The following CBFA2T3 variants were observed in gnomAD, a reference collection of about 807,000 sequenced individuals.
CBFA2T3 encodes transcriptional corepressor CBFA2T3.
A neutral mutation model predicts 58.6 loss-of-function variants in CBFA2T3; 31 were observed. The observed-to-expected ratio is 0.53, with a 90% CI of 0.40 to 0.71. The LOEUF is 0.71. Ranked by LOEUF, CBFA2T3 falls within the 30% of genes least tolerant of loss-of-function variation. The pLI is 0.00. For missense variants in CBFA2T3, 1,076 were observed against 963.1 expected, an observed-to-expected ratio of 1.12 and a Z score of -1.55; for synonymous variants, 531 against 421.9, an observed-to-expected ratio of 1.26 and a Z score of -3.17.
At chr16:88,881,171 C>T in intron 9 of CBFA2T3, 120 bp downstream of exon 9, 1 of 945,230 alleles carries the variant, frequency 1.1e-6, no homozygotes, top group East Asian at 2.5e-5. Flanking sequence ...AAAGGTGCCT[C>T]TTTCTCAAGC....
In CBFA2T3 at chr16:88,901,848, G is replaced by A. The variant is rs558053658; in HGVS notation, c.152-192C>T. Among the ~76,000 whole-genome samples, 118 of 152,278 alleles carry A rather than the reference G, an allele frequency of 7.7e-4. 1 individual carries two copies. Among genetic ancestry groups the A allele is most frequent in the African/African-American group, 2.7e-3 (114 of 41,550 alleles). ...CGGGGGCAGAACCAGGCCGGAGGAC[G>A]GGCTTGGGCCAGCTCATCTGAGGTG... On this transcript the variant is annotated intron_variant, in intron 1 of 11. Coordinates refer to ENST00000268679, the MANE Select transcript of CBFA2T3 (RefSeq NM_005187.6).
At chr16:88,910,972 G>T (rs1197530882) in intron 1 of CBFA2T3, among the ~76,000 whole-genome samples, 1 of 151,412 alleles carries the variant, frequency 6.6e-6, no homozygotes, top group Non-Finnish European at 1.5e-5. Context: ...GCTGCCCTGC[G>T]GCCGCCTCCA....
At chr16:88,928,096 C>T (rs1171966956) in intron 1 of CBFA2T3, among the ~76,000 whole-genome samples, 1 of 152,238 alleles carries the variant, frequency 6.6e-6, no homozygotes, top group Non-Finnish European at 1.5e-5. Context: ...CTGGCCGAGA[C>T]CCTGGCCACC....
intron 1 of CBFA2T3, among the ~76,000 whole-genome samples, chr16:88,906,733 G>C (rs1350398506): frequency 2.0e-5 from 3 of 152,220 alleles, no homozygotes; most frequent in Non-Finnish European, 4.4e-5. Context: ...CCACTTTCTA[G>C]ACGGGGAAAC....
intron 2 of CBFA2T3, among the ~76,000 whole-genome samples, chr16:88,899,655 A>G (rs1970024342): frequency 6.6e-6 from 1 of 152,146 alleles, no homozygotes; most frequent in East Asian, 1.9e-4. Context: ...GCACCTTCCA[A>G]GCAGAGGCTG....
chr16:88,880,137 G>C (rs1301916184), intron 10 of CBFA2T3: 2 of 156,222 alleles, frequency 1.3e-5, no homozygotes, highest in African/African-American at 2.4e-5. Flanking sequence ...CCTCCAGGGA[G>C]CACTGCCCAC....
At chr16:88,926,094 C>T (rs1410647242) in intron 1 of CBFA2T3, among the ~76,000 whole-genome samples, 2 of 152,172 alleles carry the variant, frequency 1.3e-5, no homozygotes, top group Non-Finnish European at 2.9e-5. Flanking sequence ...GGCGGTCTCA[C>T]GTTCCCCACC....
At chr16:88,909,379 A>G (rs1042441334) in intron 1 of CBFA2T3, among the ~76,000 whole-genome samples, 2 of 141,230 alleles carry the variant, frequency 1.4e-5, no homozygotes, top group African/African-American at 2.6e-5. Context: ...CATCTGTGCA[A>G]TGGGGGTGAG....
In CBFA2T3 at chr16:88,879,196, C is replaced by T. The variant is rs1968965173; in HGVS notation, c.1662+74G>A. On this transcript the variant is annotated intron_variant, in intron 11 of 11. Transcript: ENST00000268679. ...CTGATGCCACGTGGAGGCTCAGAAT[C>T]CTCATGGGGGTGGCGTGGGACCGCA... The T allele has an allele frequency of 2.3e-6, 3 of 1,332,310 alleles. No homozygotes were observed. In the African/African-American group the frequency reaches 4.3e-5, roughly 19 times the overall value. The allele number at this position is 1,332,310 out of a possible 1,614,324, so 82.5% of individuals were successfully genotyped here. A position where few individuals can be genotyped will look rare whatever the true frequency, so the allele number is the denominator to read the frequency against.
At position 88,901,638 on chromosome 16, in the gene CBFA2T3, G is replaced by C; in HGVS notation, c.170C>G (p.Ala57Gly). The change falls in exon 2 of 12, where the codon GCT becomes GGT. Residue 57 changes from alanine (A) to glycine (G), a missense_variant. Coordinates refer to ENST00000268679, the MANE Select transcript of CBFA2T3 (RefSeq NM_005187.6). ...KGGPAPVDRKAKASAMPDSPA... is the reference protein window; with the variant it reads ...KGGPAPVDRKGKASAMPDSPA... The stretch of plus-strand genomic sequence containing the variant: ...GGAGTCCGGCATCGCTGAGGCCTTA[G>C]CTTTCCTGTCCACTGGGGCTGCGAC... 3 of 1,532,324 alleles carry C rather than the reference G, an allele frequency of 2.0e-6. No homozygotes were observed. Among genetic ancestry groups the C allele is most frequent in the Non-Finnish European group, 2.6e-6 (3 of 1,150,850 alleles). The allele number at this position is 1,532,324 out of a possible 1,614,324, so 94.9% of individuals were successfully genotyped here.
Position 88,885,349 on chromosome 16 carries a change from G to A in CBFA2T3, c.894-80C>T. The A allele has an allele frequency of 1.1e-6, 1 of 944,844 alleles. No homozygotes were observed. Among genetic ancestry groups the A allele is most frequent in the Non-Finnish European group, 1.5e-6 (1 of 657,368 alleles). 58.5% of individuals were successfully genotyped at this position (944,844 alleles called of 1,614,324 possible). On this transcript the variant is annotated intron_variant, in intron 6 of 11. Coordinates refer to ENST00000268679, the MANE Select transcript of CBFA2T3 (RefSeq NM_005187.6). This position sits in a 1 kb window ranked among gnomAD's most constrained non-coding sequence, Gnocchi z 5.3. ...AGAGGTGCAGGTGGGGTGAGAGGCA[G>A]ACAGGCAAGGGCAGAGAGAAAGAGG...
chr16:88,976,619 CT>C, intron 1 of CBFA2T3, 37 bp downstream of exon 1: 1 of 1,480,918 alleles, frequency 6.8e-7, no homozygotes, highest in Non-Finnish European at 9.2e-7. Context: ...CTGCCGCTCT[CT>C]GCCCCCACCC....
intron 1 of CBFA2T3, among the ~76,000 whole-genome samples, chr16:88,963,253 A>ATCTTCTGCCAGGGGTGGGTGCTCG (rs1567637335): frequency 1.5e-4 from 17 of 114,868 alleles, no homozygotes; most frequent in Admixed American, 3.4e-4. Flanking sequence ...GTGGGCGCTC[A>ATCTTCTGCCAGGGGTGGGTGCTCG]TCTTCTGCCA....
chr16:88,881,729 G>A (rs376159418), intron 8 of CBFA2T3: 3 of 480,374 alleles, frequency 6.2e-6, no homozygotes, highest in African/African-American at 2.0e-5. Flanking sequence ...ACGCACGCAG[G>A]AGTTTGGGAT....
intron 1 of CBFA2T3, among the ~76,000 whole-genome samples, chr16:88,903,655 C>T (rs115789514): frequency 0.096 from 6,994 of 73,012 alleles, 339 homozygotes; most frequent in African/African-American, 0.21. Context: ...GGGGTGTTCC[C>T]GGCTGGGGGG....
intron 1 of CBFA2T3, chr16:88,951,054 G>T: frequency 5.2e-6 from 2 of 384,808 alleles, no homozygotes; most frequent in South Asian, 1.7e-5. Context: ...GTTGGCACCT[G>T]TCTTCCGGAT....
Position 88,879,476 on chromosome 16 carries a change from G to A in CBFA2T3, c.1472-16C>T. The A allele has an allele frequency of 6.3e-7, 1 of 1,599,494 alleles. No individual in the cohort carries two copies. Among genetic ancestry groups the A allele is most frequent in the Non-Finnish European group, 8.6e-7 (1 of 1,168,668 alleles). ...ACGGCCTCTTCTGCAAAGGACATGGGCAGGGCTGGCGGTCACATGGGCCAT... is the reference window on the plus strand; with the variant it reads ...ACGGCCTCTTCTGCAAAGGACATGGACAGGGCTGGCGGTCACATGGGCCAT... On this transcript the variant is annotated splice_polypyrimidine_tract_variant and intron_variant, in intron 10 of 11. Coordinates refer to ENST00000268679, the MANE Select transcript of CBFA2T3 (RefSeq NM_005187.6).
At chr16:88,969,466 GA>G (rs1193370953) in intron 1 of CBFA2T3, among the ~76,000 whole-genome samples, 1 of 152,256 alleles carries the variant, frequency 6.6e-6, no homozygotes, top group Non-Finnish European at 1.5e-5. Context: ...GTGCCAGGAA[GA>G]GGGTCTTTCC....
chr16:88,902,845 C>T (rs1970153203), intron 1 of CBFA2T3, among the ~76,000 whole-genome samples: 1 of 152,144 alleles, frequency 6.6e-6, no homozygotes, highest in African/African-American at 2.4e-5. Context: ...CTCCTGCTGA[C>T]ACCTGTGGGT....
Sources: allele counts gnomAD v4.1 joint callset (sites outside exome capture counted in the v4.1 genomes callset), GRCh38; gene constraint gnomAD v4.1.1; non-coding constraint Gnocchi (gnomAD v3.1); transcripts MANE v1.5; gene names NCBI Gene and HGNC (gene_info 2026-07-23, HGNC 2026-07-21).